The following MGST2 variants were observed in gnomAD, a reference collection of about 807,000 sequenced individuals.
The protein encoded by MGST2 is microsomal glutathione S-transferase 2.
MGST2 carries 9 observed loss-of-function variants against 16.6 expected under a neutral mutation model. The observed-to-expected ratio is 0.54, with a 90% confidence interval of 0.33 to 0.95. The LOEUF is 0.95. MGST2 is among the 40% of genes least tolerant of loss of function. The pLI is 0.03. For synonymous variants in MGST2, 79 were observed against 68.0 expected, an observed-to-expected ratio of 1.16 and a Z score of -0.79; for missense variants, 159 against 175.1, an observed-to-expected ratio of 0.91 and a Z score of 0.52.
At chr4:139,748,567 A>G in the MGST2 span, among the ~76,000 whole-genome samples, 26 of 152,316 alleles carry the variant, frequency 1.7e-4, no homozygotes, top group Non-Finnish European at 3.1e-4. Flanking sequence ...GGCTGAGAAG[A>G]GGCCAAGAAC....
intron 5 of MGST2, among the ~76,000 whole-genome samples, chr4:139,739,681 T>C (rs1178673042): frequency 7.3e-6 from 1 of 137,212 alleles, no homozygotes; most frequent in African/African-American, 2.9e-5. Flanking sequence ...GGAAAGCAGT[T>C]TTTTTTTTTT....
intron 1 of MGST2, among the ~76,000 whole-genome samples, chr4:139,667,886 T>A (rs1730455534): frequency 6.6e-6 from 1 of 151,184 alleles, no homozygotes; most frequent in Non-Finnish European, 1.5e-5. Flanking sequence ...TGATGAAGAG[T>A]TGAACTTTGT....
downstream of MGST2, among the ~76,000 whole-genome samples, chr4:139,706,095 A>C (rs1727508754): frequency 1.3e-5 from 2 of 152,164 alleles, no homozygotes; most frequent in Non-Finnish European, 2.9e-5. Flanking sequence ...ATTAATAGAA[A>C]AAGAAAGAGA....
rs148029968 is a variant in MGST2, at chr4:139,715,606, T to C, written c.*48+11410T>C. Among the ~76,000 whole-genome samples the C allele has an allele frequency of 4.7e-3, 715 of 152,314 alleles. 5 individuals are homozygous for C. The highest frequency in any genetic ancestry group is 0.016 in the African/African-American group (680 of 41,566). On this transcript the variant is annotated intron_variant, in intron 5 of 5. Transcript: ENST00000616265. This position sits in a 1 kb window ranked among gnomAD's most constrained non-coding sequence, Gnocchi z 4.4. ...CCCGAGGGCTGCTGGTTGTCCATTT[T>C]TATGGTTATCTCTTGATGATATGCT...
rs1727930384 is a variant in MGST2 at position 139,715,819 on chromosome 4, T to C, written c.*48+11623T>C. Among the ~76,000 whole-genome samples the C allele has an allele frequency of 6.6e-6, 1 of 152,186 alleles. No homozygotes were observed. Among genetic ancestry groups the C allele is most frequent in the African/African-American group, 2.4e-5 (1 of 41,424 alleles). On this transcript the variant is annotated intron_variant, in intron 5 of 5. Transcript: ENST00000616265. The surrounding 1 kb of genome is among the most constrained non-coding windows in gnomAD (Gnocchi z 4.4). ...CTGGCTCCTTTACTGCAAACTGTTT[T>C]ATCAGCAAGGTCTTTATGCCGTGTA...
intron 5 of MGST2, among the ~76,000 whole-genome samples, chr4:139,716,224 C>G (rs745576921): frequency 5.9e-5 from 9 of 152,138 alleles, no homozygotes; most frequent in Non-Finnish European, 1.2e-4. Flanking sequence ...GTATAAACTT[C>G]TAAGCACTTT....
At chr4:139,674,444 G>C (rs1034661929) in intron 1 of MGST2, among the ~76,000 whole-genome samples, 1 of 151,778 alleles carries the variant, frequency 6.6e-6, no homozygotes, top group Non-Finnish European at 1.5e-5. Context: ...TTTCCTTGTG[G>C]GTAAATTGTG....
downstream of MGST2, among the ~76,000 whole-genome samples, chr4:139,706,447 T>C (rs1727521926): frequency 6.6e-6 from 1 of 152,204 alleles, no homozygotes; most frequent in Non-Finnish European, 1.5e-5. Context: ...TCTATGGTCT[T>C]TTTACTTAAT....
chr4:139,730,794 G>GGAAT, intron 5 of MGST2: 1 of 801,398 alleles, frequency 1.2e-6, no homozygotes, highest in Non-Finnish European at 2.0e-6. Context: ...GTTTTTGAGT[G>GGAAT]GCACGCATTG....
intron 3 of MGST2, among the ~76,000 whole-genome samples, chr4:139,697,958 A>G (rs1050403002): frequency 5.3e-5 from 8 of 151,994 alleles, no homozygotes; most frequent in Non-Finnish European, 1.2e-4. Context: ...AAATTCACAC[A>G]CAAATGAAAA....
chr4:139,719,227 CAA>C, intron 5 of MGST2: 1 of 1,431,426 alleles, frequency 7.0e-7, no homozygotes, highest in East Asian at 2.4e-5. Context: ...TTACGTGGGT[CAA>C]AAAAACAAAA....
chr4:139,703,388 G>A lies in MGST2; in HGVS notation c.230-67G>A, dbSNP rs1053529418. 2.2e-5 allele frequency: 29 copies of A among 1,293,498 alleles called. No individual in the cohort carries two copies. The East Asian group carries it at 2.5e-4, about 11-fold the overall frequency. The allele number at this position is 1,293,498 out of a possible 1,614,324, so 80.1% of individuals were successfully genotyped here. On this transcript the variant is annotated intron_variant, in intron 3 of 4. Transcript: ENST00000265498. The stretch of plus-strand genomic sequence containing the variant: ...TTTTGTGAATATTTTCTCAGTCGTC[G>A]TACAACATCTTAAGAGACTGCTGTT...
At chr4:139,711,250 G>T (rs1727729955) in intron 5 of MGST2, among the ~76,000 whole-genome samples, 1 of 152,052 alleles carries the variant, frequency 6.6e-6, no homozygotes, top group African/African-American at 2.4e-5. Context: ...ACAGGACAGA[G>T]AAATATGTTA....
At chr4:139,719,726 C>A in intron 5 of MGST2, 2 of 1,613,720 alleles carry the variant, frequency 1.2e-6, no homozygotes, top group Non-Finnish European at 1.7e-6. Flanking sequence ...CTGGCTCAGT[C>A]CCTGTGGGAA....
At position 139,701,230 on chromosome 4, in the gene MGST2, T is replaced by C. The variant is rs561786486; in HGVS notation, c.230-2225T>C. Among the ~76,000 whole-genome samples the C allele has an allele frequency of 1.4e-4, 21 of 152,274 alleles. 1 individual carries two copies. The highest frequency in any genetic ancestry group is 4.6e-4 in the African/African-American group (19 of 41,554). On this transcript the variant is annotated intron_variant, in intron 3 of 4. Coordinates refer to ENST00000265498, the MANE Select transcript of MGST2 (RefSeq NM_002413.5). ...TGAGTATCTTGTCAGAAATTTCTTTTCATTCTTTCTCATCCAAAGTAAGTC... is the reference window on the plus strand; with the variant it reads ...TGAGTATCTTGTCAGAAATTTCTTTCCATTCTTTCTCATCCAAAGTAAGTC...
intron 2 of MGST2, among the ~76,000 whole-genome samples, chr4:139,686,971 C>G (rs1413643072): frequency 6.6e-6 from 1 of 152,204 alleles, no homozygotes; most frequent in African/African-American, 2.4e-5. Flanking sequence ...ACAAATTTGA[C>G]TTTCTTTGAA....
chr4:139,730,481 G>C, intron 5 of MGST2: 3 of 1,553,190 alleles, frequency 1.9e-6, no homozygotes, highest in Non-Finnish European at 2.6e-6. Flanking sequence ...AGGAACTGTT[G>C]CTTCTGCTGC....
intron 1 of MGST2, among the ~76,000 whole-genome samples, chr4:139,668,829 G>T (rs547688789): frequency 2.0e-5 from 3 of 152,232 alleles, no homozygotes; most frequent in South Asian, 2.1e-4. Flanking sequence ...ATGTTCAGGT[G>T]GTTTGGCCAG....
chr4:139,734,953 T>A (rs1305101215), intron 5 of MGST2, among the ~76,000 whole-genome samples: 1 of 152,260 alleles, frequency 6.6e-6, no homozygotes, highest in Non-Finnish European at 1.5e-5. Context: ...GCAGAGCAGC[T>A]GCCGTTCTTC....
Sources: gnomAD v4.1 joint callset for allele counts (sites outside exome capture counted in the v4.1 genomes callset) on GRCh38, gnomAD v4.1.1 for gene constraint, Gnocchi (gnomAD v3.1) non-coding constraint, MANE v1.5 for transcripts, NCBI Gene and HGNC (gene_info 2026-07-23, HGNC 2026-07-21) for gene names.